TRPM1: variants seen among roughly 807,000 people sequenced by gnomAD.
TRPM1 encodes transient receptor potential cation channel subfamily M member 1.
Under a neutral mutation model 149.4 loss-of-function variants are expected in TRPM1, and 113 were observed. The ratio of observed to expected loss-of-function variants is 0.76; its 90% CI spans 0.65 to 0.88. TRPM1 has a LOEUF of 0.88. Ranked by LOEUF, TRPM1 falls within the 40% of genes least tolerant of loss-of-function variation. TRPM1 has a pLI of 0.00. For synonymous variants in TRPM1, 741 were observed against 759.5 expected, an observed-to-expected ratio of 0.98 and a Z score of 0.40; for missense variants, 1,976 against 2,038.7, an observed-to-expected ratio of 0.97 and a Z score of 0.59.
At position 31,035,554 on chromosome 15, in the gene TRPM1, T is replaced by G; in HGVS notation, c.2692A>C (p.Ile898Leu). The change falls in exon 21 of 28, where the codon ATA (isoleucine) becomes CTA (leucine). Residue 898 changes from isoleucine to leucine, a missense_variant. Transcript: ENST00000256552. The part of the protein sequence containing the change: ...SYIVSLALEK[I>L]REILMSEPGK... ...GCCTTTGGAGTAGCCACCTCTCGTA[T>G]CTTCTCTAACGCCAGGCTCACGATG... 1 of 1,614,132 alleles carries G rather than the reference T, an allele frequency of 6.2e-7. No individual in the cohort carries two copies. Among genetic ancestry groups the G allele is most frequent in the Middle Eastern group, 1.7e-4 (1 of 6,058 alleles).
intron 1 of TRPM1, among the ~76,000 whole-genome samples, chr15:31,115,141 C>T (rs2035781016): frequency 6.6e-6 from 1 of 152,080 alleles, no homozygotes; most frequent in African/African-American, 2.4e-5. Context: ...GCCTGTCATC[C>T]CAGCTACTCA....
At chr15:31,133,433 C>T (rs1479688230) in intron 1 of TRPM1, among the ~76,000 whole-genome samples, 1 of 151,910 alleles carries the variant, frequency 6.6e-6, no homozygotes, top group Non-Finnish European at 1.5e-5. Flanking sequence ...GCCAATGGTG[C>T]ACACCTGTAG....
chr15:31,049,438 A>C lies in TRPM1; in HGVS notation c.1509T>G (p.Ile503Met). 1.9e-6 allele frequency: 3 copies of C among 1,614,200 alleles called. No homozygotes were observed. The highest frequency in any genetic ancestry group is 2.5e-6 in the Non-Finnish European group (3 of 1,180,046). ...AGTGTTGCATGTTCACTCCGTTTTC[A>C]ATCAGGAGCTTCACAAAGTCGACAC... ...LDRVDFVKLLIENGVNMQHFL... is the reference protein window; with the variant it reads ...LDRVDFVKLLMENGVNMQHFL... The change falls in exon 13 of 28, where the codon ATT becomes ATG. Residue 503 changes from isoleucine to methionine, a missense_variant. This residue lies in a region of TRPM1 where 1,332 missense variants were observed against 1,347.1 expected (regional missense o/e 0.99). Transcript: ENST00000256552.
chr15:31,076,967 TA>T lies in TRPM1; in HGVS notation c.20del (p.Ile7LysfsTer13). 1 of 1,612,252 alleles carries T rather than the reference TA, an allele frequency of 6.2e-7. No individual in the cohort carries two copies. Among genetic ancestry groups the T allele is most frequent in the Non-Finnish European group, 8.5e-7 (1 of 1,178,312 alleles). ...ATTCCCGTTTGCAAAAGGTTTTCTCTATCCAAGATTTCTGACCCTGGAAGAG... is the reference window on the plus strand; with the variant it reads ...ATTCCCGTTTGCAAAAGGTTTTCTCTTCCAAGATTTCTGACCCTGGAAGAG... MGQKSW[I>X]EKTFCKRECI... On this transcript the variant is annotated frameshift_variant, in exon 3 of 28. Coordinates refer to ENST00000256552, the MANE Select transcript of TRPM1 (RefSeq NM_001252024.2). LOFTEE classifies it high-confidence loss of function.
intron 23 of TRPM1, 82 bp from the exon 24 acceptor site, chr15:31,029,473 G>A (rs963882075): frequency 2.2e-5 from 31 of 1,403,998 alleles, no homozygotes; most frequent in Non-Finnish European, 2.9e-5. Flanking sequence ...TGATGGTTGA[G>A]AGAAAAGTAA....
At chr15:31,103,813 CAAA>C (rs10706621), upstream of TRPM1, among the ~76,000 whole-genome samples, 37 of 115,600 alleles carry the variant, frequency 3.2e-4, no homozygotes, top group Admixed American at 3.4e-4. Context: ...ACTCTGTATC[CAAA>C]AAAAAAAAAA....
At chr15:31,102,616 C>T (rs1024933042), upstream of TRPM1, among the ~76,000 whole-genome samples, 1 of 152,182 alleles carries the variant, frequency 6.6e-6, no homozygotes, top group African/African-American at 2.4e-5. Context: ...AAGTTCTGCC[C>T]ATATGTAGAG....
chr15:31,081,273 T>A (rs1404423543), intron 2 of TRPM1, 80 bp downstream of exon 2: 44 of 630,448 alleles, frequency 7.0e-5, no homozygotes, highest in African/African-American at 1.1e-4. Context: ...CTTTTCCTAA[T>A]AAAAACGCTA....
At chr15:31,038,894 C>T (rs1057201425) in intron 18 of TRPM1, among the ~76,000 whole-genome samples, 1 of 151,490 alleles carries the variant, frequency 6.6e-6, no homozygotes, top group African/African-American at 2.4e-5. Context: ...AGTTGCAAGG[C>T]TAATGTGACT....
Position 31,091,704 on chromosome 15 carries a change from C to A in TRPM1, c.-84+9953G>T, listed in dbSNP as rs559642955. On this transcript the variant is annotated intron_variant, in intron 1 of 27. Coordinates refer to ENST00000256552, the MANE Select transcript of TRPM1 (RefSeq NM_001252024.2). ...GTGCGCTGTGTTCCTCTGGGGCTGT[C>A]CTGACCCAGTGTGGTCTGTGGTGAC... Among the ~76,000 whole-genome samples, 5 of 152,268 alleles carry A rather than the reference C, an allele frequency of 3.3e-5. No individual in the cohort carries two copies. In the East Asian group the frequency reaches 7.7e-4, roughly 24 times the overall value.
chr15:31,040,422 G>A lies in TRPM1; in HGVS notation c.2088-76C>T. ...TTTCTTAGACAGGCATATCCACCAA[G>A]GACTTATGGAGCCACGGGACACAGT... On this transcript the variant is annotated intron_variant, in intron 17 of 27. Coordinates refer to ENST00000256552, the MANE Select transcript of TRPM1 (RefSeq NM_001252024.2). This position sits in a 1 kb window ranked among gnomAD's most constrained non-coding sequence, Gnocchi z 4.2. 8.0e-7 allele frequency: 1 copy of A among 1,247,774 alleles called. No homozygotes were observed. The highest frequency in any genetic ancestry group is 1.2e-6 in the Non-Finnish European group (1 of 854,290). 77.3% of individuals were successfully genotyped at this position (1,247,774 alleles called of 1,614,324 possible). A position where few individuals can be genotyped will look rare whatever the true frequency, so the allele number is the denominator to read the frequency against.
At chr15:31,076,145 G>T (rs563649868) in intron 3 of TRPM1, among the ~76,000 whole-genome samples, 1 of 152,260 alleles carries the variant, frequency 6.6e-6, no homozygotes, top group South Asian at 2.1e-4. Context: ...AATCACTGGG[G>T]TTTAAGCAGG....
intron 4 of TRPM1, chr15:31,069,556 A>G: frequency 8.4e-7 from 1 of 1,188,642 alleles, no homozygotes; most frequent in Non-Finnish European, 1.0e-6. Context: ...CTGGAAGGGC[A>G]GAGGGCACTC....
chr15:31,157,483 G>T (rs949363303), intron 1 of TRPM1, among the ~76,000 whole-genome samples: 1 of 152,058 alleles, frequency 6.6e-6, no homozygotes, highest in African/African-American at 2.4e-5. Flanking sequence ...ATTATTAATC[G>T]TATTTAGGAT....
rs548813519 is a variant in TRPM1 at position 31,161,088 on chromosome 15, C to T, written c.-129G>A. 2,940 of 922,750 alleles carry T rather than the reference C, an allele frequency of 3.2e-3. 50 individuals carry two copies. The African/African-American group carries it at 0.044, about 14-fold the overall frequency. The allele number at this position is 922,750 out of a possible 1,614,324, so 57.2% of individuals were successfully genotyped here. On this transcript the variant is annotated 5_prime_UTR_variant, in exon 1 of 27. Coordinates refer to the TRPM1 transcript ENST00000542188. ...TCGGCGGCAGCCCCACACTCGGCGG[C>T]AGCCCCACGCACTGGGCGAGGGGGC...
chr15:31,050,642 C>T lies in TRPM1; in HGVS notation c.1264-60G>A. On this transcript the variant is annotated intron_variant, in intron 11 of 27. Coordinates refer to ENST00000256552, the MANE Select transcript of TRPM1 (RefSeq NM_001252024.2). Reference sequence around the variant, plus strand: ...ACTAAGGCTCTTTCTTGTCCCCAGACCAGCTCATTGACCCTCCCACCTCTG... The same window carrying T: ...ACTAAGGCTCTTTCTTGTCCCCAGATCAGCTCATTGACCCTCCCACCTCTG... 8 of 1,594,456 alleles carry T rather than the reference C, an allele frequency of 5.0e-6. No homozygotes were observed. The South Asian group carries it at 8.8e-5, about 18-fold the overall frequency.
At chr15:31,149,071 G>A (rs1002957522) in intron 1 of TRPM1, among the ~76,000 whole-genome samples, 1 of 152,226 alleles carries the variant, frequency 6.6e-6, no homozygotes, top group Non-Finnish European at 1.5e-5. Flanking sequence ...GAGATGCCGT[G>A]ACCAACCTTT....
intron 1 of TRPM1, among the ~76,000 whole-genome samples, chr15:31,138,261 A>T (rs1370195582): frequency 6.6e-6 from 1 of 152,082 alleles, no homozygotes; most frequent in Non-Finnish European, 1.5e-5. Flanking sequence ...TCATAAAAAG[A>T]GCCTGCCAGC....
At chr15:31,160,915 C>T in exon 1 of TRPM1, 2 of 1,535,534 alleles carry the variant, frequency 1.3e-6, no homozygotes, top group Non-Finnish European at 1.7e-6. Flanking sequence ...CCTTCTGCGA[C>T]CCTGATGTGG....
Sources: allele counts gnomAD v4.1 joint callset (sites outside exome capture counted in the v4.1 genomes callset), GRCh38; gene constraint gnomAD v4.1.1; regional missense constraint gnomAD v4.1.1; non-coding constraint Gnocchi (gnomAD v3.1); transcripts MANE v1.5; gene names NCBI Gene and HGNC (gene_info 2026-07-23, HGNC 2026-07-21).